IFTAP: variants seen among roughly 807,000 people sequenced by gnomAD.
IFTAP encodes the protein intraflagellar transport associated protein.
Under a neutral mutation model 19.4 loss-of-function variants are expected in IFTAP, and 19 were observed. The ratio of observed to expected loss-of-function variants is 0.98; its 90% confidence interval spans 0.68 to 1.44. The LOEUF is 1.44. Ranked by LOEUF, IFTAP falls within the 40% of genes most tolerant of loss-of-function variation. IFTAP has a pLI of 0.00. For missense variants in IFTAP, 240 were observed against 253.6 expected (o/e 0.95, Z 0.36); for synonymous variants, 85 against 83.5 (o/e 1.02, Z -0.10).
chr11:36,652,704 C>T (rs1321712357), intron 5 of IFTAP, among the ~76,000 whole-genome samples: 1 of 152,002 alleles, frequency 6.6e-6, no homozygotes, highest in Non-Finnish European at 1.5e-5. Flanking sequence ...ATAAGTAACT[C>T]TTATTATTTT....
intron 3 of IFTAP, among the ~76,000 whole-genome samples, chr11:36,635,637 A>G (rs1377034098): frequency 6.6e-6 from 1 of 152,100 alleles, no homozygotes; most frequent in Non-Finnish European, 1.5e-5. Context: ...GCACGGTGTT[A>G]TGACAGTAGC....
In IFTAP at chr11:36,659,034, G is replaced by T. The variant is rs768938595; in HGVS notation, c.514G>T (p.Val172Phe). The change falls in exon 6 of 6, where the codon GTT becomes TTT. Residue 172 changes from valine (V) to phenylalanine (F), a missense_variant. Val to Phe is a conservative substitution (Grantham distance 50). Coordinates refer to ENST00000334307, the MANE Select transcript of IFTAP (RefSeq NM_138787.4). ...KQTEEILGDE[V>F]QLFSLDEEFD... ...CCTTTTATAGATACTTGGAGATGAA[G>T]TTCAACTTTTTTCACTTGATGAAGA... 3.1e-6 allele frequency: 5 copies of T among 1,599,114 alleles called. No homozygotes were observed. The highest frequency in any genetic ancestry group is 4.3e-6 in the Non-Finnish European group (5 of 1,172,846).
intron 2 of IFTAP, among the ~76,000 whole-genome samples, chr11:36,629,883 G>A (rs1413450060): frequency 2.6e-5 from 4 of 151,378 alleles, no homozygotes; most frequent in Non-Finnish European, 5.9e-5. Context: ...CTGTATTGAA[G>A]TTTTGACTCA....
chr11:36,620,782 C>T (rs1436902284), intron 2 of IFTAP, among the ~76,000 whole-genome samples: 3 of 151,740 alleles, frequency 2.0e-5, no homozygotes, highest in Non-Finnish European at 4.4e-5. Context: ...TATGCGTTCT[C>T]AGTGAAGACA....
chr11:36,636,817 A>G (rs557471326), intron 4 of IFTAP, among the ~76,000 whole-genome samples: 8 of 152,164 alleles, frequency 5.3e-5, no homozygotes, highest in African/African-American at 1.9e-4. Context: ...TAGTCTGTTG[A>G]TGTTTATTTA....
chr11:36,656,847 G>A lies in IFTAP; in HGVS notation c.499-2172G>A, dbSNP rs537929031. On this transcript the variant is annotated intron_variant, in intron 5 of 5. Coordinates refer to ENST00000334307, the MANE Select transcript of IFTAP (RefSeq NM_138787.4). The stretch of plus-strand genomic sequence containing the variant: ...TTATTTGTGTTCTGTAGAGGGAGTC[G>A]GGGGCATGGTATGGTGTCACTGAGA... Among the ~76,000 whole-genome samples the A allele has an allele frequency of 3.9e-5, 6 of 152,062 alleles. No homozygotes were observed. In the South Asian group the frequency reaches 8.3e-4, roughly 21 times the overall value.
chr11:36,631,059 C>T (rs1852707081), intron 2 of IFTAP, among the ~76,000 whole-genome samples: 2 of 151,416 alleles, frequency 1.3e-5, no homozygotes, highest in Admixed American at 6.6e-5. Context: ...GTCCTAAGAC[C>T]ATTTCTTCCT....
intron 4 of IFTAP, among the ~76,000 whole-genome samples, chr11:36,644,261 C>G (rs976985935): frequency 6.6e-6 from 1 of 152,140 alleles, no homozygotes; most frequent in Admixed American, 6.5e-5. Context: ...CTCATCATCA[C>G]TGGCCATCAG....
At chr11:36,595,014 G>A (rs1851153196) in intron 1 of IFTAP, 1 of 152,138 alleles carries the variant, frequency 6.6e-6, no homozygotes, top group South Asian at 2.1e-4. Context: ...AGAGTGCAGG[G>A]GAGACATTGC....
chr11:36,639,727 C>T (rs935484981), intron 4 of IFTAP, among the ~76,000 whole-genome samples: 4 of 152,172 alleles, frequency 2.6e-5, no homozygotes, highest in Non-Finnish European at 2.9e-5. Flanking sequence ...GAGGGATCTA[C>T]TCTGAAACCA....
intron 2 of IFTAP, among the ~76,000 whole-genome samples, chr11:36,623,654 T>C (rs1590213367): frequency 1.3e-5 from 2 of 152,312 alleles, no homozygotes; most frequent in Non-Finnish European, 2.9e-5. Flanking sequence ...TTGCTACTTC[T>C]GTCTATTGCT....
intron 1 of IFTAP, among the ~76,000 whole-genome samples, chr11:36,603,630 T>C (rs757125655): frequency 4.6e-5 from 7 of 152,108 alleles, no homozygotes; most frequent in Non-Finnish European, 1.0e-4. Flanking sequence ...GTATAGAATA[T>C]GTAAATTACA....
chr11:36,621,418 T>C (rs748931459), intron 2 of IFTAP, among the ~76,000 whole-genome samples: 32 of 152,004 alleles, frequency 2.1e-4, no homozygotes, highest in Non-Finnish European at 3.2e-4. Context: ...TTCCTTAATT[T>C]GGATTCGTTC....
At chr11:36,626,494 G>A (rs778353002) in intron 2 of IFTAP, among the ~76,000 whole-genome samples, 1 of 151,062 alleles carries the variant, frequency 6.6e-6, no homozygotes, top group African/African-American at 2.5e-5. Context: ...TTGAAGGGCT[G>A]AATATAAATC....
chr11:36,608,276 G>T (rs1235950096), intron 1 of IFTAP, among the ~76,000 whole-genome samples: 1 of 152,112 alleles, frequency 6.6e-6, no homozygotes, highest in East Asian at 1.9e-4. Context: ...GATACTTAAA[G>T]GTTTTTAGAA....
chr11:36,657,191 G>T (rs777258606), intron 5 of IFTAP, among the ~76,000 whole-genome samples: 1 of 152,184 alleles, frequency 6.6e-6, no homozygotes, highest in Non-Finnish European at 1.5e-5. Flanking sequence ...ATCGGCTCCA[G>T]ATGGTGTTGT....
intron 1 of IFTAP, among the ~76,000 whole-genome samples, chr11:36,598,485 T>C (rs1186759840): frequency 2.0e-5 from 3 of 152,332 alleles, no homozygotes; most frequent in Middle Eastern, 3.4e-3. Flanking sequence ...GAAATACATA[T>C]AGTTTCTATG....
intron 2 of IFTAP, among the ~76,000 whole-genome samples, chr11:36,611,875 T>C (rs1851889510): frequency 6.6e-6 from 1 of 152,074 alleles, no homozygotes. Context: ...TCGAGACTAA[T>C]GATTTAGTTT....
At chr11:36,603,530 C>T (rs1327027874) in intron 1 of IFTAP, among the ~76,000 whole-genome samples, 1 of 152,138 alleles carries the variant, frequency 6.6e-6, no homozygotes, top group Non-Finnish European at 1.5e-5. Flanking sequence ...CCCATGCAGC[C>T]TTGGTCCAGG....
Sources: allele counts gnomAD v4.1 joint callset (sites outside exome capture counted in the v4.1 genomes callset), GRCh38; gene constraint gnomAD v4.1.1; transcripts MANE v1.5; gene names NCBI Gene and HGNC (gene_info 2026-07-23, HGNC 2026-07-21).